The following LRMDA variants were observed in gnomAD, a reference collection of about 807,000 sequenced individuals.
The protein encoded by LRMDA is leucine rich melanocyte differentiation associated.
A neutral mutation model predicts 29.8 loss-of-function variants in LRMDA; 18 were observed. The observed-to-expected ratio is 0.60, with a 90% CI of 0.42 to 0.90. The LOEUF (loss-of-function observed/expected upper bound fraction) is 0.90. Among genes scored for constraint, LRMDA ranks in the 40% least tolerant of loss-of-function variants. LRMDA has a pLI of 0.00. For missense variants in LRMDA, 273 were observed against 273.9 expected (o/e 1.00, Z 0.02); for synonymous variants, 125 against 109.4 (o/e 1.14, Z -0.89).
chr10:76,146,076 T>C (rs1850311838), intron 5 of LRMDA, among the ~76,000 whole-genome samples: 1 of 151,826 alleles, frequency 6.6e-6, no homozygotes, highest in African/African-American at 2.4e-5. Flanking sequence ...TAATTTCTGT[T>C]CTTTTACATT....
At chr10:76,452,390 C>G (rs531771696) in intron 6 of LRMDA, among the ~76,000 whole-genome samples, 1 of 152,078 alleles carries the variant, frequency 6.6e-6, no homozygotes, top group East Asian at 1.9e-4. Context: ...TTTCTGCTGC[C>G]CTCAGAATTT....
chr10:75,644,986 CTCTTT>C (rs1841498202), intron 2 of LRMDA, among the ~76,000 whole-genome samples: 2 of 103,004 alleles, frequency 1.9e-5, no homozygotes, highest in Non-Finnish European at 4.4e-5. Context: ...ACTTATTTTA[CTCTTT>C]TTTTTTTTTT....
At chr10:75,674,146 G>C (rs1315741349) in intron 2 of LRMDA, among the ~76,000 whole-genome samples, 3 of 152,122 alleles carry the variant, frequency 2.0e-5, no homozygotes, top group East Asian at 1.9e-4. Context: ...TTCTGCTTGT[G>C]CGTGTGTGTG....
intron 6 of LRMDA, among the ~76,000 whole-genome samples, chr10:76,436,580 C>T (rs1241393162): frequency 1.3e-5 from 2 of 152,192 alleles, no homozygotes; most frequent in Non-Finnish European, 2.9e-5. Flanking sequence ...TGACAAGATG[C>T]TGGCTTTGGA....
chr10:76,230,432 G>C (rs995592915), intron 5 of LRMDA, among the ~76,000 whole-genome samples: 4 of 151,706 alleles, frequency 2.6e-5, no homozygotes, highest in African/African-American at 9.7e-5. Context: ...GGAAAAATGA[G>C]TAAACACTAT....
At chr10:75,598,478 C>T (rs925374088) in intron 2 of LRMDA, among the ~76,000 whole-genome samples, 6 of 151,584 alleles carry the variant, frequency 4.0e-5, no homozygotes, top group Admixed American at 1.3e-4. Context: ...CAGTGCTGGA[C>T]GATGTAGTAT....
At chr10:76,170,896 TG>T (rs1466906653) in intron 5 of LRMDA, among the ~76,000 whole-genome samples, 1 of 152,198 alleles carries the variant, frequency 6.6e-6, no homozygotes, top group East Asian at 1.9e-4. Flanking sequence ...AAGGTATTTG[TG>T]GTATTGGTAT....
At chr10:76,284,622 T>C (rs1840248161) in intron 5 of LRMDA, among the ~76,000 whole-genome samples, 1 of 152,116 alleles carries the variant, frequency 6.6e-6, no homozygotes, top group Non-Finnish European at 1.5e-5. Context: ...TTTTGAAATC[T>C]TGGGTTTTTT....
chr10:75,613,784 G>A (rs1411193080), intron 2 of LRMDA, among the ~76,000 whole-genome samples: 1 of 152,216 alleles, frequency 6.6e-6, no homozygotes, highest in African/African-American at 2.4e-5. Flanking sequence ...TTTCTACAGA[G>A]TACGTGAGAA....
intron 2 of LRMDA, among the ~76,000 whole-genome samples, chr10:75,577,409 A>G (rs1394750186): frequency 6.6e-6 from 1 of 152,152 alleles, no homozygotes; most frequent in East Asian, 1.9e-4. Context: ...CCAAATGTAC[A>G]TTGATTGGTA....
At position 76,036,131 on chromosome 10, in the gene LRMDA, C is replaced by G. The variant is rs756440831; in HGVS notation, c.255C>G (p.Asn85Lys). ...PRLHTLTLNKNRITDLENLLD... is the reference protein window; with the variant it reads ...PRLHTLTLNKKRITDLENLLD... ...TGCATACCTTAACCCTCAACAAGAA[C>G]CGAATATCCTTTCCTCTGCCCGCTG... Residue 85 changes from asparagine (N) to lysine (K), a missense_variant, in exon 3 of 7, where the codon AAC becomes AAG. Transcript: ENST00000611255. 1.2e-6 allele frequency: 2 copies of G among 1,613,422 alleles called. No homozygotes were observed. Among genetic ancestry groups the G allele is most frequent in the East Asian group, 4.5e-5 (2 of 44,838 alleles).
intron 2 of LRMDA, among the ~76,000 whole-genome samples, chr10:75,563,603 G>A (rs761052492): frequency 2.4e-4 from 36 of 152,158 alleles, no homozygotes; most frequent in African/African-American, 4.1e-4. Context: ...GAGGAGAGGC[G>A]CTCTGCTTTT....
chr10:75,487,262 A>T (rs780492350), intron 2 of LRMDA, among the ~76,000 whole-genome samples: 2 of 152,180 alleles, frequency 1.3e-5, no homozygotes, highest in Non-Finnish European at 1.5e-5. Context: ...TTACTTACTG[A>T]GCTTTTTCTA....
chr10:75,600,660 A>T (rs1407491911), intron 2 of LRMDA, among the ~76,000 whole-genome samples: 1 of 152,194 alleles, frequency 6.6e-6, no homozygotes, highest in East Asian at 1.9e-4. Flanking sequence ...TGTGGGGTAT[A>T]CTGCATGAAG....
chr10:76,479,474 G>A (rs922754006), intron 6 of LRMDA, among the ~76,000 whole-genome samples: 45 of 151,724 alleles, frequency 3.0e-4, no homozygotes, highest in African/African-American at 1.0e-3. Flanking sequence ...CATTTTGGGG[G>A]GTCCTATGAA....
chr10:75,684,752 G>T (rs569804613), intron 2 of LRMDA, among the ~76,000 whole-genome samples: 1 of 152,286 alleles, frequency 6.6e-6, no homozygotes, highest in Non-Finnish European at 1.5e-5. Context: ...GGAAGAATGG[G>T]CCAAAGAGAA....
At chr10:76,007,780 G>A (rs542399447) in intron 2 of LRMDA, among the ~76,000 whole-genome samples, 3 of 152,112 alleles carry the variant, frequency 2.0e-5, no homozygotes, top group South Asian at 2.1e-4. Flanking sequence ...AGGATTTATC[G>A]TCAGAATCAG....
chr10:76,510,924 C>T (rs1412131405), intron 6 of LRMDA, among the ~76,000 whole-genome samples: 1 of 152,204 alleles, frequency 6.6e-6, no homozygotes, highest in Non-Finnish European at 1.5e-5. Flanking sequence ...TATTAAACTT[C>T]ATCTTGCAAA....
intron 2 of LRMDA, among the ~76,000 whole-genome samples, chr10:75,904,339 A>C (rs372817164): frequency 1.1e-4 from 16 of 152,270 alleles, no homozygotes; most frequent in Non-Finnish European, 1.6e-4. Flanking sequence ...CAAGAAGTAT[A>C]AAGTCTTTTT....
Sources: gnomAD v4.1 joint callset for allele counts (sites outside exome capture counted in the v4.1 genomes callset) on GRCh38, gnomAD v4.1.1 for gene constraint, MANE v1.5 for transcripts, NCBI Gene and HGNC (gene_info 2026-07-23, HGNC 2026-07-21) for gene names.